CLDN10: variants seen among roughly 807,000 people sequenced by gnomAD.
The protein encoded by CLDN10 is claudin 10.
Under a neutral mutation model 22.9 loss-of-function variants are expected in CLDN10, and 15 were observed. That is an observed-to-expected ratio of 0.65 (90% CI 0.44 to 1.01). The LOEUF (loss-of-function observed/expected upper bound fraction) is 1.01, where lower values mean the gene tolerates loss of function less well. CLDN10 is among the 50% of genes least tolerant of loss of function. The pLI is 0.00. For missense variants in CLDN10, 247 were observed against 287.8 expected (o/e 0.86, Z 1.03); for synonymous variants, 114 against 111.4 (o/e 1.02, Z -0.15).
rs1460525390 is a variant in CLDN10, at chr13:95,552,937, A to C, written c.184A>C (p.Asn62His). The change falls in exon 1 of 5, where the codon AAC becomes CAC. Residue 62 changes from asparagine to histidine, a missense_variant. By Grantham distance (68) the Asn-to-His change is moderately conservative (BLOSUM62 1). Transcript: ENST00000299339. ...ACVTDSTGVS[N>H]CKDFPSMLAL... ...CGTTACCGACTCCACGGGCGTCTCC[A>C]ACTGCAAGGACTTCCCCTCCATGCT... The C allele has an allele frequency of 6.2e-7, 1 of 1,613,962 alleles. No homozygotes were observed. Among genetic ancestry groups the C allele is most frequent in the Non-Finnish European group, 8.5e-7 (1 of 1,179,998 alleles).
At chr13:95,551,347 G>A (rs1028057511), upstream of CLDN10, among the ~76,000 whole-genome samples, 4 of 152,174 alleles carry the variant, frequency 2.6e-5, no homozygotes, top group Non-Finnish European at 4.4e-5. Flanking sequence ...GGTCCTGAAG[G>A]GTGGAGCATG....
intron 3 of CLDN10, among the ~76,000 whole-genome samples, chr13:95,571,823 G>T (rs1231793302): frequency 1.3e-5 from 2 of 152,016 alleles, no homozygotes; most frequent in Admixed American, 1.3e-4. Flanking sequence ...GTACTTTCTG[G>T]ATTTTAAACT....
At chr13:95,496,307 A>T (rs991142803) in intron 1 of CLDN10, among the ~76,000 whole-genome samples, 2 of 152,258 alleles carry the variant, frequency 1.3e-5, no homozygotes, top group Admixed American at 6.5e-5. Flanking sequence ...GATATTCCAT[A>T]GTCAAAAAGT....
chr13:95,563,447 G>T (rs1396628719), intron 3 of CLDN10, among the ~76,000 whole-genome samples: 1 of 152,034 alleles, frequency 6.6e-6, no homozygotes, highest in African/African-American at 2.4e-5. Flanking sequence ...AGAACCAGGG[G>T]TCATGAAAAA....
At chr13:95,464,448 T>C (rs1400204932) in intron 1 of CLDN10, among the ~76,000 whole-genome samples, 1 of 152,222 alleles carries the variant, frequency 6.6e-6, no homozygotes. Flanking sequence ...TTTTTATAGC[T>C]GCATAGTATT....
chr13:95,476,291 A>AT (rs1023492257), intron 1 of CLDN10, among the ~76,000 whole-genome samples: 2 of 152,132 alleles, frequency 1.3e-5, no homozygotes, highest in African/African-American at 4.8e-5. Flanking sequence ...GACAACAGAA[A>AT]TGTATTTCCC....
At chr13:95,439,814 T>A (rs1403668676) in intron 1 of CLDN10, among the ~76,000 whole-genome samples, 1 of 152,064 alleles carries the variant, frequency 6.6e-6, no homozygotes, top group Non-Finnish European at 1.5e-5. Flanking sequence ...CGTGATTAAA[T>A]AATAATAGTA....
intron 1 of CLDN10, among the ~76,000 whole-genome samples, chr13:95,507,642 A>G (rs1459540356): frequency 6.7e-6 from 1 of 149,662 alleles, no homozygotes; most frequent in Non-Finnish European, 1.5e-5. Context: ...TTTTTTTTTG[A>G]GACAGAGTTC....
chr13:95,538,160 T>C (rs1460690340), intron 1 of CLDN10, among the ~76,000 whole-genome samples: 39 of 132,232 alleles, frequency 2.9e-4, no homozygotes, highest in African/African-American at 8.1e-4. Context: ...TTTCTTTTTT[T>C]TTTTTTTTTT....
intron 1 of CLDN10, among the ~76,000 whole-genome samples, chr13:95,556,338 C>A (rs1232742257): frequency 6.6e-6 from 1 of 152,172 alleles, no homozygotes; most frequent in Non-Finnish European, 1.5e-5. Context: ...GAGCCATGCG[C>A]CCAGCCCTAA....
chr13:95,513,159 C>T (rs957871178), intron 1 of CLDN10, among the ~76,000 whole-genome samples: 3 of 152,204 alleles, frequency 2.0e-5, no homozygotes, highest in Admixed American at 1.3e-4. Flanking sequence ...GGATTACAGG[C>T]ATGAGCCAAC....
chr13:95,478,240 T>C (rs2042704747), intron 1 of CLDN10, among the ~76,000 whole-genome samples: 1 of 152,158 alleles, frequency 6.6e-6, no homozygotes, highest in Non-Finnish European at 1.5e-5. Flanking sequence ...CCCAGGGAGC[T>C]GAGGTTGCAG....
chr13:95,434,101 C>T, intron 1 of CLDN10: 1 of 1,503,648 alleles, frequency 6.7e-7, no homozygotes, highest in African/African-American at 1.4e-5. Flanking sequence ...TTCCCCCCGA[C>T]TGTGCTGAAG....
rs79722136 is a variant in CLDN10 at position 95,503,849 on chromosome 13, G to A, written c.215-56283G>A. ...GGGAGAAGGGGGAGGGAGAAATGGC[G>A]GGCTGTTGTTAATGGTACAGAGTTT... On this transcript the variant is annotated intron_variant, in intron 1 of 4. Coordinates refer to the CLDN10 transcript ENST00000376873. 5.4e-3 allele frequency among the ~76,000 whole-genome samples: 822 copies of A among 152,266 alleles called. 3 individuals are homozygous for A. The highest frequency in any genetic ancestry group is 7.9e-3 in the Admixed American group (121 of 15,282).
chr13:95,495,408 C>T (rs994640382), intron 1 of CLDN10, among the ~76,000 whole-genome samples: 5 of 151,662 alleles, frequency 3.3e-5, no homozygotes, highest in Non-Finnish European at 7.4e-5. Flanking sequence ...CCTTGGTCAA[C>T]TGAGCCTTTT....
intron 3 of CLDN10, among the ~76,000 whole-genome samples, chr13:95,563,533 T>TA (rs1302555178): frequency 1.3e-5 from 2 of 152,146 alleles, no homozygotes; most frequent in Non-Finnish European, 2.9e-5. Context: ...ATATAGACTA[T>TA]AAAAAACCTG....
rs568468976 is a variant in CLDN10 at position 95,518,666 on chromosome 13, C to G, written c.215-41466C>G. On this transcript the variant is annotated intron_variant, in intron 1 of 4. Coordinates refer to the CLDN10 transcript ENST00000376873. ...TCCAGCTATTCAGGAGGTTGAGACACAAAAATTGCTTGAACCTGGGAAACG... is the reference window on the plus strand; with the variant it reads ...TCCAGCTATTCAGGAGGTTGAGACAGAAAAATTGCTTGAACCTGGGAAACG... 3.3e-5 allele frequency among the ~76,000 whole-genome samples: 5 copies of G among 151,976 alleles called. 2 individuals carry two copies. The highest frequency in any genetic ancestry group is 3.3e-4 in the Admixed American group (5 of 15,256).
At chr13:95,460,349 T>C (rs1394990176) in intron 1 of CLDN10, among the ~76,000 whole-genome samples, 1 of 152,228 alleles carries the variant, frequency 6.6e-6, no homozygotes, top group African/African-American at 2.4e-5. Context: ...ACCAATTGAC[T>C]GTATTAGTCC....
chr13:95,540,214 C>T (rs1018590646), intron 1 of CLDN10, among the ~76,000 whole-genome samples: 6 of 152,128 alleles, frequency 3.9e-5, no homozygotes, highest in Admixed American at 2.0e-4. Flanking sequence ...GCAGAAGAAT[C>T]GCTTGGACCC....
Sources: allele counts gnomAD v4.1 joint callset (sites outside exome capture counted in the v4.1 genomes callset), GRCh38; gene constraint gnomAD v4.1.1; transcripts MANE v1.5; gene names NCBI Gene and HGNC (gene_info 2026-07-23, HGNC 2026-07-21).